SLC71A1: variants seen among roughly 807,000 people sequenced by gnomAD.
SLC71A1 encodes the protein hippocampus abundant gene transcript 1.
chr1:100,046,253 G>GTCTAGC, the SLC71A1 span, among the ~76,000 whole-genome samples: 4 of 103,376 alleles, frequency 3.9e-5, no homozygotes, highest in Non-Finnish European at 5.3e-5. Flanking sequence ...TTGAGACAGA[G>GTCTAGC]TCTAGCTCTG....
chr1:100,058,751 ATGTG>A, the SLC71A1 span: 5 of 1,296,958 alleles, frequency 3.9e-6, no homozygotes, highest in Non-Finnish European at 5.6e-6. Context: ...ATACATATAT[ATGTG>A]TATATATACA....
chr1:100,075,505 T>C, the SLC71A1 span, among the ~76,000 whole-genome samples: 53 of 152,316 alleles, frequency 3.5e-4, no homozygotes, highest in Admixed American at 3.5e-3. Flanking sequence ...TCTCAGACAG[T>C]TGGAGGCCAC....
chr1:100,042,872 A>C, the SLC71A1 span, among the ~76,000 whole-genome samples: 1 of 152,092 alleles, frequency 6.6e-6, no homozygotes, highest in East Asian at 1.9e-4. Context: ...AGTCTTCCAA[A>C]GTGGGATTAC....
At chr1:100,058,965 A>T in the SLC71A1 span, among the ~76,000 whole-genome samples, 1 of 152,048 alleles carries the variant, frequency 6.6e-6, no homozygotes, top group Non-Finnish European at 1.5e-5. Context: ...ATAATAAACC[A>T]CATCATAACA....
chr1:100,043,266 C>T, the SLC71A1 span: 1 of 795,834 alleles, frequency 1.3e-6, no homozygotes, highest in South Asian at 5.8e-5. Flanking sequence ...TTAAAAGTTT[C>T]AATTATAAGG....
the SLC71A1 span, among the ~76,000 whole-genome samples, chr1:100,063,063 C>T: frequency 3.9e-5 from 6 of 152,000 alleles, no homozygotes; most frequent in Non-Finnish European, 7.4e-5. Flanking sequence ...TAAAATTTAT[C>T]CTTTTTATGA....
chr1:100,054,024 G>GTT, the SLC71A1 span, among the ~76,000 whole-genome samples: 2 of 141,002 alleles, frequency 1.4e-5, no homozygotes, highest in African/African-American at 2.6e-5. Context: ...GAATTTACCG[G>GTT]TTTTTTTTTT....
chr1:100,059,261 C>T, the SLC71A1 span, among the ~76,000 whole-genome samples: 6 of 146,504 alleles, frequency 4.1e-5, no homozygotes, highest in Admixed American at 3.5e-4. Context: ...CAGGTTCAAG[C>T]GATTCTTCTG....
At chr1:100,078,539 G>A in the SLC71A1 span, 2 of 1,608,482 alleles carry the variant, frequency 1.2e-6, no homozygotes, top group Non-Finnish European at 1.7e-6. Flanking sequence ...TGCTGATGCT[G>A]ATCAACAGGG....
the SLC71A1 span, chr1:100,079,165 T>G: frequency 6.6e-6 from 1 of 152,296 alleles, no homozygotes; most frequent in African/African-American, 2.4e-5. Context: ...GTGGGATATA[T>G]TCATAGACCT....
chr1:100,080,525 C>T, the SLC71A1 span: 4 of 1,613,226 alleles, frequency 2.5e-6, no homozygotes, highest in Non-Finnish European at 2.5e-6. Flanking sequence ...AACAGGAATT[C>T]GAGGATTATG....
At chr1:100,080,332 G>A in the SLC71A1 span, 2 of 593,220 alleles carry the variant, frequency 3.4e-6, no homozygotes, top group Non-Finnish European at 5.9e-6. Context: ...TTGTAGAGCT[G>A]ATAGCTTCTA....
At chr1:100,049,905 A>G in the SLC71A1 span, 5 of 1,538,942 alleles carry the variant, frequency 3.2e-6, no homozygotes, top group Non-Finnish European at 4.4e-6. Flanking sequence ...CTTGTTTTTT[A>G]TAGCCTCAAG....
chr1:100,069,507 T>C, the SLC71A1 span: 5 of 678,118 alleles, frequency 7.4e-6, no homozygotes, highest in Non-Finnish European at 7.8e-6. Flanking sequence ...GAATTACATT[T>C]ATTTTTTTCT....
the SLC71A1 span, among the ~76,000 whole-genome samples, chr1:100,062,561 A>G: frequency 1.3e-5 from 2 of 152,218 alleles, no homozygotes; most frequent in Non-Finnish European, 2.9e-5. Flanking sequence ...TAGAATGACT[A>G]CTATAGGCAC....
At chr1:100,077,036 T>C in the SLC71A1 span, 1 of 589,510 alleles carries the variant, frequency 1.7e-6, no homozygotes. Flanking sequence ...ATCTCAGACA[T>C]ATTCAGGGCA....
At chr1:100,065,682 C>T in the SLC71A1 span, among the ~76,000 whole-genome samples, 1 of 148,936 alleles carries the variant, frequency 6.7e-6, no homozygotes, top group Non-Finnish European at 1.5e-5. Context: ...TTCCCCTTTC[C>T]CCTTTTCCTT....
chr1:100,080,581 C>G, the SLC71A1 span: 2 of 1,613,038 alleles, frequency 1.2e-6, no homozygotes, highest in Non-Finnish European at 1.7e-6. Context: ...TCTACATATT[C>G]CATGTGGAAC....
At chr1:100,051,472 T>C in the SLC71A1 span, among the ~76,000 whole-genome samples, 12 of 152,014 alleles carry the variant, frequency 7.9e-5, no homozygotes, top group African/African-American at 2.7e-4. Context: ...TTTTTTTTTT[T>C]TTAGTTTACT....
Sources: gnomAD v4.1 joint callset for allele counts (sites outside exome capture counted in the v4.1 genomes callset) on GRCh38, gnomAD v4.1.1 for gene constraint, MANE v1.5 for transcripts, NCBI Gene and HGNC (gene_info 2026-07-23, HGNC 2026-07-21) for gene names.